Variants in SLC1A1 observed in about 807,000 individuals in gnomAD.
SLC1A1 encodes solute carrier family 1 member 1, also known as excitatory amino acid transporter 3.
SLC1A1 carries 43 observed loss-of-function variants against 53.3 expected under a neutral mutation model. The observed-to-expected ratio is 0.81, with a 90% CI of 0.63 to 1.04. The LOEUF (loss-of-function observed/expected upper bound fraction) is 1.04, where lower values mean the gene tolerates loss of function less well. SLC1A1 is among the 50% of genes least tolerant of loss of function. The pLI is 0.00. For synonymous variants in SLC1A1, 307 were observed against 243.2 expected, an observed-to-expected ratio of 1.26 and a Z score of -2.44; for missense variants, 748 against 664.9, an observed-to-expected ratio of 1.12 and a Z score of -1.37.
chr9:4,546,433 A>C (rs1242972694), intron 2 of SLC1A1, among the ~76,000 whole-genome samples: 2 of 152,146 alleles, frequency 1.3e-5, no homozygotes, highest in African/African-American at 4.8e-5. Context: ...TCTCTGAAAA[A>C]AAAAAATGAA....
chr9:4,535,505 T>C (rs149006223), intron 1 of SLC1A1, among the ~76,000 whole-genome samples: 3,352 of 152,196 alleles, frequency 0.022, 129 homozygotes, highest in African/African-American at 0.078. Flanking sequence ...TTATAAGGGA[T>C]GTGAAGGACC....
intron 8 of SLC1A1, among the ~76,000 whole-genome samples, chr9:4,575,687 G>A (rs1445026141): frequency 1.3e-5 from 2 of 152,182 alleles, no homozygotes; most frequent in African/African-American, 4.8e-5. Context: ...GGAAAAAAGG[G>A]CACTTTTGTG....
chr9:4,585,418 G>A lies in SLC1A1; in HGVS notation c.1435G>A (p.Val479Ile), dbSNP rs770093526. ...ELEQMDVSSE[V>I]NIVNPFALES... ...GGAGCAGATGGATGTTTCATCTGAA[G>A]TCAACATTGTGAATCCCTTTGCCTT... The change falls in exon 12 of 12, where the codon GTC becomes ATC. Residue 479 changes from valine (V) to isoleucine (I), a missense_variant. Coordinates refer to ENST00000262352, the MANE Select transcript of SLC1A1 (RefSeq NM_004170.6). 10 of 1,614,204 alleles carry A rather than the reference G, an allele frequency of 6.2e-6. No individual in the cohort carries two copies. The South Asian group carries it at 1.1e-4, about 18-fold the overall frequency.
At chr9:4,523,857 C>T (rs1816169019) in intron 1 of SLC1A1, among the ~76,000 whole-genome samples, 1 of 152,186 alleles carries the variant, frequency 6.6e-6, no homozygotes, top group Non-Finnish European at 1.5e-5. Context: ...AACAGAGGCA[C>T]AGGCTACAGG....
intron 1 of SLC1A1, among the ~76,000 whole-genome samples, chr9:4,517,512 G>C (rs925021768): frequency 6.6e-6 from 1 of 152,330 alleles, no homozygotes; most frequent in African/African-American, 2.4e-5. Flanking sequence ...GAGGCTTCTT[G>C]TGTTCCACGT....
chr9:4,509,480 G>A (rs201962748), intron 1 of SLC1A1, among the ~76,000 whole-genome samples: 1 of 151,930 alleles, frequency 6.6e-6, no homozygotes, highest in East Asian at 1.9e-4. Context: ...ACAGTACAGT[G>A]AGGGCTGAGT....
intron 1 of SLC1A1, among the ~76,000 whole-genome samples, chr9:4,533,380 A>C (rs28852219): frequency 0.31 from 47,356 of 150,946 alleles, 8,536 homozygotes; most frequent in Admixed American, 0.41. Flanking sequence ...TCTACCAAGC[A>C]AATGGAAAAC....
intron 10 of SLC1A1, 54 bp from the exon 11 acceptor site, chr9:4,582,984 C>T (rs1161529841): frequency 2.5e-6 from 4 of 1,611,192 alleles, no homozygotes; most frequent in Non-Finnish European, 3.4e-6. Context: ...CAGGCCAGGG[C>T]TTTAACGGGA....
At chr9:4,507,129 G>C (rs1049231037) in intron 1 of SLC1A1, among the ~76,000 whole-genome samples, 1 of 152,202 alleles carries the variant, frequency 6.6e-6, no homozygotes, top group Admixed American at 6.5e-5. Flanking sequence ...AGCCACTTGG[G>C]AGGTTGAGGC....
intron 5 of SLC1A1, 60 bp downstream of exon 5, chr9:4,566,149 G>T (rs186649580): frequency 2.1e-6 from 3 of 1,444,474 alleles, no homozygotes; most frequent in Non-Finnish European, 2.9e-6. Flanking sequence ...AATTAAAAAT[G>T]TTTTTTTCTG....
intron 1 of SLC1A1, among the ~76,000 whole-genome samples, chr9:4,506,573 A>G (rs1820817828): frequency 6.6e-6 from 1 of 152,086 alleles, no homozygotes; most frequent in Admixed American, 6.5e-5. Context: ...TATTTTGAAA[A>G]AAAAAAATAG....
In SLC1A1 at chr9:4,583,927, G is replaced by C. The variant is rs2129884888; in HGVS notation, c.1328+755G>C. 6.8e-6 allele frequency among the ~76,000 whole-genome samples: 1 copy of C among 147,342 alleles called. No individual in the cohort carries two copies. The highest frequency in any genetic ancestry group is 6.8e-5 in the Admixed American group (1 of 14,634). On this transcript the variant is annotated intron_variant, in intron 11 of 11. Transcript: ENST00000262352. This position sits in a 1 kb window ranked among gnomAD's most constrained non-coding sequence, Gnocchi z 4.6. ...ACACACACACATATGGAATACAGCAGAACATCTGGGTGAGAAAGTACCTTC... is the reference window on the plus strand; with the variant it reads ...ACACACACACATATGGAATACAGCACAACATCTGGGTGAGAAAGTACCTTC...
At chr9:4,565,934 GAAGAGA>G in intron 4 of SLC1A1, 107 bp from the exon 5 acceptor site, 2 of 861,528 alleles carry the variant, frequency 2.3e-6, no homozygotes, top group Non-Finnish European at 4.0e-6. Flanking sequence ...GCAGGGGCCA[GAAGAGA>G]AACCAGAGTA....
At chr9:4,557,471 G>A (rs749642057) in intron 2 of SLC1A1, among the ~76,000 whole-genome samples, 8 of 152,078 alleles carry the variant, frequency 5.3e-5, no homozygotes, top group Non-Finnish European at 8.8e-5. Flanking sequence ...CATTAGCCAC[G>A]TGTGGCTACT....
intron 5 of SLC1A1, among the ~76,000 whole-genome samples, chr9:4,567,155 C>T (rs1200848223): frequency 6.6e-6 from 1 of 152,234 alleles, no homozygotes; most frequent in African/African-American, 2.4e-5. Flanking sequence ...GAGAATTCAA[C>T]TGCAGTCTCA....
intron 1 of SLC1A1, among the ~76,000 whole-genome samples, chr9:4,506,963 G>A (rs1329959232): frequency 6.6e-6 from 1 of 152,214 alleles, no homozygotes; most frequent in Non-Finnish European, 1.5e-5. Flanking sequence ...TGGCGGCAGT[G>A]GCTCACGCCT....
intron 1 of SLC1A1, among the ~76,000 whole-genome samples, chr9:4,513,758 T>C (rs188493741): frequency 2.0e-5 from 3 of 152,346 alleles, no homozygotes; most frequent in East Asian, 3.9e-4. Flanking sequence ...TGAGTGTTTA[T>C]AGCAGCACTC....
At chr9:4,534,929 G>A (rs1035405894) in intron 1 of SLC1A1, among the ~76,000 whole-genome samples, 6 of 151,964 alleles carry the variant, frequency 3.9e-5, no homozygotes, top group African/African-American at 1.5e-4. Flanking sequence ...ACATAATCCA[G>A]CATATAAACA....
chr9:4,585,452 C>G lies in SLC1A1; in HGVS notation c.1469C>G (p.Thr490Arg), dbSNP rs765956285. The change falls in exon 12 of 12, where the codon ACA becomes AGA. Residue 490 changes from threonine (T) to arginine (R), a missense_variant. By Grantham distance (71) the Thr-to-Arg change is moderately conservative. Transcript: ENST00000262352. ...NIVNPFALES[T>R]ILDNEDSDTK... ...GTGAATCCCTTTGCCTTGGAATCCA[C>G]AATCCTTGACAACGAAGACTCAGAC... 4 of 1,614,236 alleles carry G rather than the reference C, an allele frequency of 2.5e-6. No homozygotes were observed. Among genetic ancestry groups the G allele is most frequent in the Non-Finnish European group, 3.4e-6 (4 of 1,180,044 alleles).
Sources: gnomAD v4.1 joint callset for allele counts (sites outside exome capture counted in the v4.1 genomes callset) on GRCh38, gnomAD v4.1.1 for gene constraint, Gnocchi (gnomAD v3.1) non-coding constraint, MANE v1.5 for transcripts, NCBI Gene and HGNC (gene_info 2026-07-23, HGNC 2026-07-21) for gene names.